Variants in IQCE observed in about 807,000 individuals in gnomAD.
IQCE encodes the protein IQ motif containing E.
In IQCE, 115 loss-of-function variants were observed where a neutral mutation model predicts 96.0. The observed-to-expected ratio is 1.20, with a 90% CI of 1.03 to 1.40. The LOEUF (loss-of-function observed/expected upper bound fraction) is 1.40, where lower values mean the gene tolerates loss of function less well. Among genes scored for constraint, IQCE ranks in the 40% most tolerant of loss-of-function variants. The pLI, the probability that IQCE is intolerant of heterozygous loss-of-function variation, is 0.00. For missense variants in IQCE, 1,041 were observed against 909.1 expected (o/e 1.15, Z -1.87); for synonymous variants, 412 against 371.2 (o/e 1.11, Z -1.26).
rs551849094 is a variant in IQCE, at chr7:2,590,182, C to T, written c.1244+76C>T. 9.0e-6 allele frequency: 12 copies of T among 1,335,274 alleles called. No homozygotes were observed. The African/African-American group carries it at 1.5e-4, about 16-fold the overall frequency. 82.7% of individuals were successfully genotyped at this position (1,335,274 alleles called of 1,614,324 possible). On this transcript the variant is annotated intron_variant, in intron 14 of 21. Coordinates refer to ENST00000402050, the MANE Select transcript of IQCE (RefSeq NM_152558.5). ...GAGAGAGTAGGTCCTCCCCAGGCCC[C>T]GCCAGTGTCCCCACAGGCACAGGTG...
Position 2,586,360 on chromosome 7 carries a change from C to A in IQCE, c.977C>A (p.Ser326Tyr), listed in dbSNP as rs756960597. The A allele has an allele frequency of 6.2e-7, 1 of 1,612,104 alleles. No individual in the cohort carries two copies. Among genetic ancestry groups the A allele is most frequent in the South Asian group, 1.1e-5 (1 of 90,862 alleles). ...DRVLSTSPTI[S>Y]KTQGYVEWSK... ...GTGCTGAGCACCTCCCCAACCATCT[C>A]CAAGACACAGGGTACCTTCCTGAAA... The change falls in exon 12 of 22, where the codon TCC becomes TAC. Residue 326 changes from serine to tyrosine, a missense_variant. Coordinates refer to ENST00000402050, the MANE Select transcript of IQCE (RefSeq NM_152558.5).
In IQCE at chr7:2,573,448, A is replaced by G; in HGVS notation, c.425A>G (p.Glu142Gly). 6.5e-7 allele frequency: 1 copy of G among 1,544,854 alleles called. No homozygotes were observed. The highest frequency in any genetic ancestry group is 8.9e-7 in the Non-Finnish European group (1 of 1,117,532). Residue 142 changes from glutamate (E) to glycine (G), a missense_variant, in exon 6 of 22, where the codon GAA (glutamate) becomes GGA (glycine). Glu to Gly is a moderately conservative substitution (Grantham distance 98). Transcript: ENST00000402050. ...GHVPGTPVYR[E>G]KEDMYDEIIE... ...GTCCCTGGGACTCCTGTCTACAGAG[A>G]AAAAGAAGATATGTATGACGAGATT...
In IQCE at chr7:2,586,209, C is replaced by G; in HGVS notation, c.826C>G (p.Pro276Ala). The part of the protein sequence containing the change: ...LASSETTGKK[P>A]LGEKKTGAKR... ...CAGTCCACGATTTGGTTGTTCCAGG[C>G]CCCTGGGGGAGAAGAAGACGGGCGC... Residue 276 changes from proline (P) to alanine (A), a missense_variant and splice_region_variant, in exon 12 of 22, where the codon CCC becomes GCC. Coordinates refer to ENST00000402050, the MANE Select transcript of IQCE (RefSeq NM_152558.5). 2.5e-6 allele frequency: 4 copies of G among 1,612,892 alleles called. No individual in the cohort carries two copies. The highest frequency in any genetic ancestry group is 3.4e-6 in the Non-Finnish European group (4 of 1,179,580).
chr7:2,571,357 A>C, intron 3 of IQCE, 169 bp from the exon 4 acceptor site: 1 of 768,268 alleles, frequency 1.3e-6, no homozygotes. Flanking sequence ...TTAAAGGAGA[A>C]ATGTCAGTAT....
At chr7:2,600,142 A>G (rs574650220) in intron 17 of IQCE, among the ~76,000 whole-genome samples, 28 of 152,098 alleles carry the variant, frequency 1.8e-4, no homozygotes, top group East Asian at 5.8e-4. Flanking sequence ...GGGCAGGCCA[A>G]TGTGTTACAG....
chr7:2,597,336 C>T (rs1784118921), intron 16 of IQCE, among the ~76,000 whole-genome samples: 1 of 152,250 alleles, frequency 6.6e-6, no homozygotes, highest in Non-Finnish European at 1.5e-5. Context: ...ATAGGATGGC[C>T]GTGCCCGAAG....
chr7:2,591,371 G>A lies in IQCE; in HGVS notation c.1244+1265G>A, dbSNP rs115734679. Reference sequence around the variant, plus strand: ...CATGACCTGTGGCCGTGGAACACCCGGCCTGGCTCCTGTCCTCCTCCTGTT... The same window carrying A: ...CATGACCTGTGGCCGTGGAACACCCAGCCTGGCTCCTGTCCTCCTCCTGTT... On this transcript the variant is annotated intron_variant, in intron 14 of 21. Coordinates refer to ENST00000402050, the MANE Select transcript of IQCE (RefSeq NM_152558.5). Among the ~76,000 whole-genome samples the A allele has an allele frequency of 6.3e-3, 962 of 152,252 alleles. 11 individuals carry two copies. Among genetic ancestry groups the A allele is most frequent in the African/African-American group, 0.022 (919 of 41,556 alleles).
chr7:2,565,653 G>A (rs1177355946), intron 1 of IQCE, among the ~76,000 whole-genome samples: 3 of 152,180 alleles, frequency 2.0e-5, no homozygotes, highest in Middle Eastern at 3.4e-3. Context: ...CTGATCCCCC[G>A]CTAACCTGTG....
chr7:2,562,871 A>G (rs966653482), intron 1 of IQCE, among the ~76,000 whole-genome samples: 6 of 147,626 alleles, frequency 4.1e-5, no homozygotes, highest in Admixed American at 4.0e-4. Context: ...TTTTTTTAAT[A>G]TAGGCATTTA....
chr7:2,564,234 A>G (rs1288870241), intron 1 of IQCE, among the ~76,000 whole-genome samples: 2 of 151,924 alleles, frequency 1.3e-5, no homozygotes, highest in Admixed American at 6.6e-5. Context: ...AATTTCACTC[A>G]TCTAAGATAT....
At chr7:2,568,535 T>C (rs2917755) in intron 2 of IQCE, among the ~76,000 whole-genome samples, 111,457 of 151,928 alleles carry the variant, frequency 0.73, 41,113 homozygotes, top group Non-Finnish European at 0.75. Context: ...TTTGCTCGGC[T>C]TTCTTCCATA....
At position 2,582,591 on chromosome 7, in the gene IQCE, G is replaced by GCTGAAGCAGAGGATC; in HGVS notation, c.650_664dup (p.Gln217_Lys221dup). ...CGTTCCCCGGGCAGGTCATTAACGGGCTGAAGCAGAGGATCCTGAAGCTGG... is the reference window on the plus strand; with the variant it reads ...CGTTCCCCGGGCAGGTCATTAACGGGCTGAAGCAGAGGATCCTGAAGCAGAGGATCCTGAAGCTGG... On this transcript the variant is annotated inframe_insertion, in exon 9 of 22. Coordinates refer to ENST00000402050, the MANE Select transcript of IQCE (RefSeq NM_152558.5). 1.9e-6 allele frequency: 3 copies of GCTGAAGCAGAGGATC among 1,614,064 alleles called. No individual in the cohort carries two copies. The highest frequency in any genetic ancestry group is 2.5e-6 in the Non-Finnish European group (3 of 1,179,978).
chr7:2,569,071 T>C, intron 3 of IQCE, 72 bp downstream of exon 3: 1 of 1,474,492 alleles, frequency 6.8e-7, no homozygotes. Context: ...TGAAGGGTAT[T>C]TGCTTTGTAC....
Position 2,559,084 on chromosome 7 carries a change from A to G in IQCE, c.-98A>G, listed in dbSNP as rs1780717157. 1.5e-6 allele frequency: 1 copy of G among 648,360 alleles called. No individual in the cohort carries two copies. Among genetic ancestry groups the G allele is most frequent in the Non-Finnish European group, 2.1e-6 (1 of 469,898 alleles). 40.2% of individuals were successfully genotyped at this position (648,360 alleles called of 1,614,324 possible). On this transcript the variant is annotated 5_prime_UTR_variant, in exon 1 of 22. Coordinates refer to ENST00000402050, the MANE Select transcript of IQCE (RefSeq NM_152558.5). ...CGGGGTCGCGGGCCGGCGCCAGGGA[A>G]GGCCCCGAGGCTGCGGGCGGCCAGG...
intron 1 of IQCE, chr7:2,559,547 T>G (rs1583364741): frequency 5.6e-6 from 1 of 177,812 alleles, no homozygotes; most frequent in East Asian, 1.5e-4. Flanking sequence ...ACCCCCGATC[T>G]AAGGCGGGAT....
intron 1 of IQCE, among the ~76,000 whole-genome samples, chr7:2,563,989 C>T (rs1781175942): frequency 6.6e-6 from 1 of 151,186 alleles, no homozygotes; most frequent in South Asian, 2.1e-4. Flanking sequence ...GTGGGCGGAT[C>T]ATGAGGTCAG....
chr7:2,585,544 C>T lies in IQCE; in HGVS notation c.825-664C>T, dbSNP rs1327437441. On this transcript the variant is annotated intron_variant, in intron 11 of 21. Transcript: ENST00000402050. ...TAGAGGCACTGGACGGCACTCAGCA[C>T]TGCAGTCCAGCCCACGCAAGGCAGC... is the stretch of plus-strand genomic sequence containing the variant. Among the ~76,000 whole-genome samples, 3 of 152,260 alleles carry T rather than the reference C, an allele frequency of 2.0e-5. No homozygotes were observed. The East Asian group carries it at 5.8e-4, about 29-fold the overall frequency.
chr7:2,597,195 G>T, intron 16 of IQCE: 1 of 460,656 alleles, frequency 2.2e-6, no homozygotes, highest in South Asian at 1.6e-5. Context: ...AGCAGGATCT[G>T]GGCCACAGGG....
chr7:2,575,578 T>G (rs920188232), intron 6 of IQCE, among the ~76,000 whole-genome samples: 1 of 149,640 alleles, frequency 6.7e-6, no homozygotes, highest in African/African-American at 2.4e-5. Context: ...CGGGCAAGGG[T>G]GAGTGTCTGG....
Sources: gnomAD v4.1 joint callset for allele counts (sites outside exome capture counted in the v4.1 genomes callset) on GRCh38, gnomAD v4.1.1 for gene constraint, MANE v1.5 for transcripts, NCBI Gene and HGNC (gene_info 2026-07-23, HGNC 2026-07-21) for gene names.